SLC43A1: variants seen among roughly 807,000 people sequenced by gnomAD.
SLC43A1 encodes large neutral amino acids transporter small subunit 3.
A neutral mutation model predicts 59.5 loss-of-function variants in SLC43A1; 31 were observed. The observed-to-expected ratio is 0.52, with a 90% CI of 0.39 to 0.70. SLC43A1 has a LOEUF of 0.70. SLC43A1 is among the 30% of genes least tolerant of loss of function. The probability of loss-of-function intolerance (pLI) is 0.00; values close to 1 mark genes in which losing one functional copy is unlikely to be tolerated. For missense variants in SLC43A1, 598 were observed against 717.8 expected, an observed-to-expected ratio of 0.83 and a Z score of 1.91; for synonymous variants, 259 against 290.9, an observed-to-expected ratio of 0.89 and a Z score of 1.12.
chr11:57,513,986 G>A lies in SLC43A1; in HGVS notation c.126C>T (p.Asn42=), dbSNP rs748418268. The A allele has an allele frequency of 1.4e-6, 2 of 1,452,662 alleles. No individual in the cohort carries two copies. Among genetic ancestry groups the A allele is most frequent in the Non-Finnish European group, 1.9e-6 (2 of 1,080,214 alleles). The allele number at this position is 1,452,662 out of a possible 1,614,324, so 90.0% of individuals were successfully genotyped here. Reference sequence around the variant, plus strand: ...GGCACGTGCTGGAATAGAAGCCCTCGTTCTTCAGAATGATCAACAGGGAGC... The same window carrying A: ...GGCACGTGCTGGAATAGAAGCCCTCATTCTTCAGAATGATCAACAGGGAGC... ...GWGSLLIILK[N]EGFYSSTCPA... The change falls in exon 2 of 15, where the codon AAC becomes AAT. Residue 42 remains asparagine (N), a synonymous_variant. Coordinates refer to ENST00000278426, the MANE Select transcript of SLC43A1 (RefSeq NM_003627.6).
intron 2 of SLC43A1, among the ~76,000 whole-genome samples, chr11:57,501,902 T>G (rs1251777567): frequency 1.3e-5 from 2 of 152,208 alleles, no homozygotes; most frequent in Non-Finnish European, 2.9e-5. Flanking sequence ...AATGATAGTC[T>G]GATAAAATAA....
At chr11:57,486,515 T>C (rs1055735388) in intron 14 of SLC43A1, among the ~76,000 whole-genome samples, 2 of 124,400 alleles carry the variant, frequency 1.6e-5, no homozygotes, top group African/African-American at 6.1e-5. Flanking sequence ...AAAAAAACAA[T>C]AGGGCCGGGC....
Position 57,494,138 on chromosome 11 carries a change from G to C in SLC43A1, c.726C>G (p.Asp242Glu). Residue 242 changes from aspartate to glutamate, a missense_variant, in exon 8 of 15, where the codon GAC becomes GAG. Physicochemically the swap from Asp to Glu is conservative, Grantham distance 45. Transcript: ENST00000278426. Reference protein sequence around the residue: ...KKIKLSGLALDHKVTGDLFYT... With the variant: ...KKIKLSGLALEHKVTGDLFYT... ...AGAAGAGGTCACCTGTCACCTTGTG[G>C]TCCAGGGCCAGCCCACTCAGCTTGA... is the stretch of plus-strand genomic sequence containing the variant. 4 of 1,610,464 alleles carry C rather than the reference G, an allele frequency of 2.5e-6. No homozygotes were observed. The highest frequency in any genetic ancestry group is 1.7e-4 in the Middle Eastern group (1 of 5,792).
At chr11:57,503,338 C>T in intron 2 of SLC43A1, among the ~76,000 whole-genome samples, 1 of 126,240 alleles carries the variant, frequency 7.9e-6, no homozygotes, top group African/African-American at 3.0e-5. Flanking sequence ...CTCACTCTGT[C>T]TCCCAGGCTG....
At chr11:57,487,862 C>T (rs1460605350) in intron 13 of SLC43A1, among the ~76,000 whole-genome samples, 1 of 152,040 alleles carries the variant, frequency 6.6e-6, no homozygotes, top group Non-Finnish European at 1.5e-5. Flanking sequence ...GTTCTAGAAA[C>T]AGGGACTAGT....
At chr11:57,492,726 T>C in intron 8 of SLC43A1, among the ~76,000 whole-genome samples, 1 of 93,398 alleles carries the variant, frequency 1.1e-5, no homozygotes, top group Non-Finnish European at 2.0e-5. Flanking sequence ...ATACCCTGTC[T>C]CTATTTTACA....
At chr11:57,487,334 G>C (rs77104814) in intron 13 of SLC43A1, 116 bp from the exon 14 acceptor site, 1 of 1,299,708 alleles carries the variant, frequency 7.7e-7, no homozygotes, top group Non-Finnish European at 1.0e-6. Context: ...GTGCTTAAGC[G>C]TTCGGGCTCT....
chr11:57,495,232 C>A (rs1944044904), intron 7 of SLC43A1, among the ~76,000 whole-genome samples: 2 of 151,806 alleles, frequency 1.3e-5, no homozygotes, highest in Middle Eastern at 3.2e-3. Context: ...CTCACGCCTG[C>A]AATCCCAGCA....
chr11:57,502,785 G>A (rs1178919119), intron 2 of SLC43A1, among the ~76,000 whole-genome samples: 1 of 151,248 alleles, frequency 6.6e-6, no homozygotes, highest in Non-Finnish European at 1.5e-5. Flanking sequence ...GAGGTGGGAG[G>A]ATTGCTTGAG....
rs1175407875 is a variant in SLC43A1, at chr11:57,503,007, CT to C, written c.155-1679del. On this transcript the variant is annotated intron_variant, in intron 2 of 14. Coordinates refer to ENST00000278426, the MANE Select transcript of SLC43A1 (RefSeq NM_003627.6). ...CTGCCCTCAGTAGTGAAAATGACCC[CT>C]GACTTTACATATCCAAAGGTCATGC... Among the ~76,000 whole-genome samples the C allele has an allele frequency of 2.0e-5, 3 of 152,248 alleles. No individual in the cohort carries two copies. The East Asian group carries it at 5.8e-4, about 29-fold the overall frequency.
At position 57,487,215 on chromosome 11, in the gene SLC43A1, GA is replaced by G. The variant is rs763639747; in HGVS notation, c.1412del (p.Phe471SerfsTer9). 1.6e-5 allele frequency: 26 copies of G among 1,612,784 alleles called. No homozygotes were observed. Among genetic ancestry groups the G allele is most frequent in the Non-Finnish European group, 2.2e-5 (26 of 1,179,060 alleles). ...TCAGCGTCCCAAAGTGGTTGGATGG[GA>G]ACCTGTCCACGAGACGGGGAGTATC... ...SACGSLYAAVFPSNHFGTLTG... is the reference protein window; with the variant it reads ...SACGSLYAAVXPSNHFGTLTG... On this transcript the variant is annotated frameshift_variant and splice_region_variant, in exon 14 of 15. Coordinates refer to ENST00000278426, the MANE Select transcript of SLC43A1 (RefSeq NM_003627.6). LOFTEE classifies it high-confidence loss of function.
At chr11:57,502,739 C>T (rs1027570184) in intron 2 of SLC43A1, among the ~76,000 whole-genome samples, 8 of 151,806 alleles carry the variant, frequency 5.3e-5, no homozygotes, top group East Asian at 1.9e-4. Context: ...CCGAGCATGG[C>T]GATGCATGTC....
intron 14 of SLC43A1, among the ~76,000 whole-genome samples, chr11:57,486,162 C>G (rs1943720538): frequency 6.6e-6 from 1 of 152,210 alleles, no homozygotes; most frequent in South Asian, 2.1e-4. Flanking sequence ...GGACTGGCCA[C>G]TTCACAAAGC....
intron 2 of SLC43A1, among the ~76,000 whole-genome samples, chr11:57,511,853 A>G (rs1944556613): frequency 6.6e-6 from 1 of 152,210 alleles, no homozygotes; most frequent in African/African-American, 2.4e-5. Context: ...TCTAACTTTT[A>G]TCACAGGCAA....
At chr11:57,494,237 G>T in intron 7 of SLC43A1, 66 bp from the exon 8 acceptor site, 1 of 1,502,280 alleles carries the variant, frequency 6.7e-7, no homozygotes, top group Non-Finnish European at 9.0e-7. Flanking sequence ...ACGGCCTAGT[G>T]CTCGGCGGCC....
intron 7 of SLC43A1, chr11:57,494,458 T>A: frequency 2.3e-6 from 1 of 430,994 alleles, no homozygotes; most frequent in Non-Finnish European, 4.1e-6. Context: ...TCAGACAGCC[T>A]GCGTCCAACC....
chr11:57,493,936 AAT>A (rs751628547), intron 8 of SLC43A1, 55 bp downstream of exon 8: 31 of 1,498,874 alleles, frequency 2.1e-5, no homozygotes, highest in Admixed American at 4.6e-5. Flanking sequence ...GTGCTCACTG[AAT>A]ATGAGGACCC....
At chr11:57,491,432 G>A (rs1943898627) in intron 10 of SLC43A1, 70 bp from the exon 11 acceptor site, 6 of 1,554,762 alleles carry the variant, frequency 3.9e-6, no homozygotes, top group African/African-American at 1.4e-5. Flanking sequence ...CCTTCCAGCG[G>A]AGGCCAGAGA....
Position 57,485,024 on chromosome 11 carries a change from G to A in SLC43A1, c.*72C>T. 1 of 1,492,622 alleles carries A rather than the reference G, an allele frequency of 6.7e-7. No individual in the cohort carries two copies. Among genetic ancestry groups the A allele is most frequent in the South Asian group, 1.3e-5 (1 of 74,368 alleles). 92.5% of individuals were successfully genotyped at this position (1,492,622 alleles called of 1,614,324 possible). On this transcript the variant is annotated 3_prime_UTR_variant, in exon 15 of 15. Transcript: ENST00000278426. Reference sequence around the variant, plus strand: ...CTATGTGCATGTTACAGGTAGAAAAGCCATATGGGGCACTCCTTTTGGTTG... The same window carrying A: ...CTATGTGCATGTTACAGGTAGAAAAACCATATGGGGCACTCCTTTTGGTTG...
Sources: gnomAD v4.1 joint callset for allele counts (sites outside exome capture counted in the v4.1 genomes callset) on GRCh38, gnomAD v4.1.1 for gene constraint, MANE v1.5 for transcripts, NCBI Gene and HGNC (gene_info 2026-07-23, HGNC 2026-07-21) for gene names.